BRINP1: variants seen among roughly 807,000 people sequenced by gnomAD.
BRINP1 encodes the protein BMP/retinoic acid inducible neural specific 1.
BRINP1 carries 17 observed loss-of-function variants against 72.9 expected under a neutral mutation model. The observed-to-expected ratio is 0.23, with a 90% CI of 0.16 to 0.35. The LOEUF (loss-of-function observed/expected upper bound fraction) is 0.35. Among genes scored for constraint, BRINP1 ranks in the 10% least tolerant of loss-of-function variants. The pLI, the probability that BRINP1 is intolerant of heterozygous loss-of-function variation, is 1.00. For synonymous variants in BRINP1, 418 were observed against 378.5 expected, an observed-to-expected ratio of 1.10 and a Z score of -1.21; for missense variants, 850 against 1,001.6, an observed-to-expected ratio of 0.85 and a Z score of 2.04.
chr9:119,294,542 G>A lies in BRINP1; in HGVS notation c.218+18596C>T, dbSNP rs79184731. Among the ~76,000 whole-genome samples the A allele has an allele frequency of 6.4e-4, 96 of 150,552 alleles. No individual in the cohort carries two copies. In the East Asian group the frequency reaches 0.018, roughly 29 times the overall value. On this transcript the variant is annotated intron_variant, in intron 2 of 7. Transcript: ENST00000265922. Reference sequence around the variant, plus strand: ...ACTTCATTTCCAAAACAACAACAACGACAAAACACATTGATGAAGGAAATT... The same window carrying A: ...ACTTCATTTCCAAAACAACAACAACAACAAAACACATTGATGAAGGAAATT...
At chr9:119,367,238 A>ATATATATATATATATATATATC (rs1414243978) in intron 1 of BRINP1, among the ~76,000 whole-genome samples, 3 of 142,868 alleles carry the variant, frequency 2.1e-5, no homozygotes, top group African/African-American at 7.7e-5. Flanking sequence ...ATATATATAT[A>ATATATATATATATATATATATC]TATATCTTCC....
intron 7 of BRINP1, among the ~76,000 whole-genome samples, chr9:119,197,113 G>A (rs1829746766): frequency 6.6e-6 from 1 of 152,192 alleles, no homozygotes; most frequent in Admixed American, 6.5e-5. Flanking sequence ...ACGCAGCATT[G>A]CAAATATGGC....
At chr9:119,188,237 A>T (rs919359374) in intron 7 of BRINP1, among the ~76,000 whole-genome samples, 6 of 152,224 alleles carry the variant, frequency 3.9e-5, no homozygotes, top group African/African-American at 1.4e-4. Flanking sequence ...AATAGGTCCA[A>T]CCCAAAGAAG....
At chr9:119,307,133 G>C (rs529578979) in intron 2 of BRINP1, among the ~76,000 whole-genome samples, 1 of 151,354 alleles carries the variant, frequency 6.6e-6, no homozygotes, top group Non-Finnish European at 1.5e-5. Context: ...ATCCCTGCTT[G>C]CTACCCACGA....
At position 119,242,108 on chromosome 9, in the gene BRINP1, A is replaced by T; in HGVS notation, c.518T>A (p.Val173Asp). The T allele has an allele frequency of 6.2e-7, 1 of 1,614,132 alleles. No individual in the cohort carries two copies. Among genetic ancestry groups the T allele is most frequent in the Non-Finnish European group, 8.5e-7 (1 of 1,180,020 alleles). Reference protein sequence around the residue: ...ALHQLASSYFVDRDGTMRRLH... With the variant: ...ALHQLASSYFDDRDGTMRRLH... ...CCTCCTCATGGTACCATCACGGTCAACAAAGTAGGATGATGCGAGCTGGTG... is the reference window on the plus strand; with the variant it reads ...CCTCCTCATGGTACCATCACGGTCATCAAAGTAGGATGATGCGAGCTGGTG... Residue 173 changes from valine (V) to aspartate (D), a missense_variant, in exon 4 of 8, where the codon GTT (valine) becomes GAT (aspartate). Coordinates refer to ENST00000265922, the MANE Select transcript of BRINP1 (RefSeq NM_014618.3).
At chr9:119,201,867 T>G (rs939488001) in intron 7 of BRINP1, among the ~76,000 whole-genome samples, 2 of 152,182 alleles carry the variant, frequency 1.3e-5, no homozygotes, top group Non-Finnish European at 2.9e-5. Flanking sequence ...GATGACTTTG[T>G]GCTTCTTTTC....
intron 2 of BRINP1, among the ~76,000 whole-genome samples, chr9:119,290,973 A>G (rs924850513): frequency 1.3e-5 from 2 of 152,088 alleles, no homozygotes; most frequent in Non-Finnish European, 2.9e-5. Context: ...AAATACAAAA[A>G]TTAGCTGGGC....
intron 7 of BRINP1, among the ~76,000 whole-genome samples, chr9:119,200,427 AC>A (rs1263513754): frequency 3.9e-5 from 6 of 152,182 alleles, no homozygotes; most frequent in African/African-American, 1.4e-4. Flanking sequence ...TTTGAGACCA[AC>A]ATGGGCAACA....
chr9:119,246,390 C>G (rs1830316829), intron 3 of BRINP1, among the ~76,000 whole-genome samples: 1 of 152,212 alleles, frequency 6.6e-6, no homozygotes, highest in Admixed American at 6.5e-5. Flanking sequence ...ACTAGACTGG[C>G]TTAGCCTCCC....
intron 2 of BRINP1, among the ~76,000 whole-genome samples, chr9:119,299,114 CATT>C (rs533109867): frequency 1.5e-3 from 221 of 151,936 alleles, no homozygotes; most frequent in South Asian, 0.013. Flanking sequence ...GTGTACAATC[CATT>C]ATTATTATTA....
chr9:119,304,974 C>T (rs1365984818), intron 2 of BRINP1, among the ~76,000 whole-genome samples: 2 of 152,174 alleles, frequency 1.3e-5, no homozygotes, highest in Admixed American at 1.3e-4. Flanking sequence ...TCTTTTTGCC[C>T]CCATCAGCCA....
intron 1 of BRINP1, among the ~76,000 whole-genome samples, chr9:119,333,512 TA>T (rs989382785): frequency 4.1e-5 from 5 of 122,544 alleles, no homozygotes; most frequent in African/African-American, 8.9e-5. Flanking sequence ...AATCTTCAAA[TA>T]AAAAAAAATA....
Position 119,208,803 on chromosome 9 carries a change from T to C in BRINP1, c.1061A>G (p.Gln354Arg). Residue 354 changes from glutamine to arginine, a missense_variant, in exon 7 of 8, where the codon CAA (glutamine) becomes CGA (arginine). By Grantham distance (43) the Gln-to-Arg change is conservative. Coordinates refer to ENST00000265922, the MANE Select transcript of BRINP1 (RefSeq NM_014618.3). ...CTTGCGGGCAGTGCGTTGGATCTTT[T>C]GTCTCTGTGCCTCCGTGGCACTCTG... ...LLQSATEAQR[Q>R]KIQRTARKLF... The C allele has an allele frequency of 5.0e-6, 8 of 1,614,226 alleles. No homozygotes were observed. Among genetic ancestry groups the C allele is most frequent in the Non-Finnish European group, 6.8e-6 (8 of 1,180,042 alleles).
intron 3 of BRINP1, among the ~76,000 whole-genome samples, chr9:119,242,714 T>C (rs758728785): frequency 1.3e-5 from 2 of 152,142 alleles, no homozygotes; most frequent in Non-Finnish European, 2.9e-5. Flanking sequence ...AAATGAACGG[T>C]GGATAGCTAG....
At chr9:119,220,684 G>A (rs1246791768) in intron 5 of BRINP1, among the ~76,000 whole-genome samples, 1 of 152,258 alleles carries the variant, frequency 6.6e-6, no homozygotes, top group Admixed American at 6.5e-5. Flanking sequence ...AAGTAGTATT[G>A]TGTCTGGCAC....
At chr9:119,170,678 G>GTTGTGTGT (rs1361286129) in intron 7 of BRINP1, among the ~76,000 whole-genome samples, 102 of 134,346 alleles carry the variant, frequency 7.6e-4, no homozygotes, top group African/African-American at 3.1e-3. Flanking sequence ...ACACATAATT[G>GTTGTGTGT]TCAGATTCAC....
intron 3 of BRINP1, among the ~76,000 whole-genome samples, chr9:119,243,815 GT>G (rs1383407541): frequency 6.6e-6 from 1 of 152,180 alleles, no homozygotes; most frequent in East Asian, 1.9e-4. Context: ...CTATTGGCTA[GT>G]GCTGGTCTAG....
intron 1 of BRINP1, among the ~76,000 whole-genome samples, chr9:119,362,054 C>T (rs940631211): frequency 1.3e-5 from 2 of 149,486 alleles, no homozygotes; most frequent in African/African-American, 4.9e-5. Flanking sequence ...ACCACCCCCC[C>T]ACCCCCAACC....
intron 2 of BRINP1, among the ~76,000 whole-genome samples, chr9:119,303,285 C>G (rs1438874928): frequency 7.5e-6 from 1 of 132,640 alleles, no homozygotes; most frequent in Admixed American, 7.6e-5. Context: ...CCACCACACA[C>G]ACACAGACAC....
Sources: gnomAD v4.1 joint callset for allele counts (sites outside exome capture counted in the v4.1 genomes callset) on GRCh38, gnomAD v4.1.1 for gene constraint, MANE v1.5 for transcripts, NCBI Gene and HGNC (gene_info 2026-07-23, HGNC 2026-07-21) for gene names.